Variants in CANX observed in about 807,000 individuals in gnomAD.
The protein encoded by CANX is epididymis secretory sperm binding protein.
A neutral mutation model predicts 75.7 loss-of-function variants in CANX; 14 were observed. The ratio of observed to expected loss-of-function variants is 0.19; its 90% CI spans 0.12 to 0.29. CANX has a LOEUF of 0.29. CANX is among the 10% of genes least tolerant of loss of function. The probability of loss-of-function intolerance (pLI) is 1.00; values close to 1 mark genes in which losing one functional copy is unlikely to be tolerated. For synonymous variants in CANX, 227 were observed against 236.9 expected, an observed-to-expected ratio of 0.96 and a Z score of 0.38; for missense variants, 567 against 713.2, an observed-to-expected ratio of 0.79 and a Z score of 2.34.
At chr5:179,711,825 T>C (rs1272347887) in intron 7 of CANX, among the ~76,000 whole-genome samples, 2 of 146,624 alleles carry the variant, frequency 1.4e-5, no homozygotes, top group East Asian at 4.0e-4. Context: ...TTGCTGGACA[T>C]GGTGGCTCAT....
chr5:179,695,052 T>G (rs1456344277), upstream of CANX, among the ~76,000 whole-genome samples: 3 of 142,512 alleles, frequency 2.1e-5, no homozygotes, highest in African/African-American at 4.9e-5. Context: ...TTTCTTTCAT[T>G]TATTTATTTA....
In CANX at chr5:179,706,306, T is replaced by C. The variant is rs1182453105; in HGVS notation, c.220T>C (p.Ser74Pro). Reference sequence around the variant, plus strand: ...AACAGGGGAAGTATATTTTGCTGATTCTTTTGACAGAGGAACTCTGTCAGG... The same window carrying C: ...AACAGGGGAAGTATATTTTGCTGATCCTTTTGACAGAGGAACTCTGTCAGG... ...VPTGEVYFADSFDRGTLSGWI... is the reference protein window; with the variant it reads ...VPTGEVYFADPFDRGTLSGWI... Residue 74 changes from serine (S) to proline (P), a missense_variant, in exon 3 of 15, where the codon TCT becomes CCT. Ser to Pro is a moderately conservative substitution (Grantham distance 74, BLOSUM62 -1). Transcript: ENST00000247461. The C allele has an allele frequency of 6.3e-7, 1 of 1,598,012 alleles. No individual in the cohort carries two copies. Among genetic ancestry groups the C allele is most frequent in the Admixed American group, 1.7e-5 (1 of 59,576 alleles).
At chr5:179,712,433 T>G (rs1777633614) in intron 7 of CANX, among the ~76,000 whole-genome samples, 1 of 152,010 alleles carries the variant, frequency 6.6e-6, no homozygotes, top group African/African-American at 2.4e-5. Flanking sequence ...CTTTTTTTTT[T>G]TTGAGATGGA....
rs140130673 is a variant in CANX, at chr5:179,730,734, C to T, written c.*2090C>T. Reference sequence around the variant, plus strand: ...AAATGTCTGACACATTAATGAATGACCAGCAGCAGCTTTCAGCTCTTAAAA... The same window carrying T: ...AAATGTCTGACACATTAATGAATGATCAGCAGCAGCTTTCAGCTCTTAAAA... On this transcript the variant is annotated 3_prime_UTR_variant, in exon 15 of 15. Transcript: ENST00000247461. The T allele has an allele frequency of 8.5e-5, 13 of 152,298 alleles. No homozygotes were observed. In the East Asian group the frequency reaches 2.1e-3, roughly 25 times the overall value. The allele number at this position is 152,298 out of a possible 1,614,324, so 9.4% of individuals were successfully genotyped here. A position where few individuals can be genotyped will look rare whatever the true frequency, so the allele number is the denominator to read the frequency against.
At chr5:179,683,168 G>A (rs1355540656) in intron 1 of CANX, among the ~76,000 whole-genome samples, 5 of 151,960 alleles carry the variant, frequency 3.3e-5, no homozygotes, top group South Asian at 2.1e-4. Flanking sequence ...TCGCTCTGTC[G>A]CACAGGCTGG....
At chr5:179,690,358 C>T (rs1472794418) in intron 1 of CANX, among the ~76,000 whole-genome samples, 1 of 142,586 alleles carries the variant, frequency 7.0e-6, no homozygotes, top group African/African-American at 2.6e-5. Context: ...GGTGGATCAC[C>T]TGAGGTCAGG....
At chr5:179,698,691 A>G (rs1328783026), upstream of CANX, 1 of 974,382 alleles carries the variant, frequency 1.0e-6, no homozygotes, top group African/African-American at 1.7e-5. Context: ...CCCCGCCCCG[A>G]GACGCGCGCG....
chr5:179,681,120 G>T, intron 1 of CANX: 1 of 575,026 alleles, frequency 1.7e-6, no homozygotes, highest in Non-Finnish European at 3.2e-6. Context: ...ACAAGAAGGG[G>T]TGCTGACCGC....
intron 13 of CANX, among the ~76,000 whole-genome samples, 189 bp from the exon 14 acceptor site, chr5:179,726,491 G>A (rs1488965358): frequency 6.6e-6 from 1 of 150,416 alleles, no homozygotes; most frequent in Non-Finnish European, 1.5e-5. Flanking sequence ...CAGGAGAATG[G>A]CGTGAACCCG....
intron 1 of CANX, among the ~76,000 whole-genome samples, chr5:179,684,938 T>C (rs1326846064): frequency 7.4e-6 from 1 of 135,564 alleles, no homozygotes; most frequent in South Asian, 2.4e-4. Context: ...TTTTTTTTTT[T>C]TTTTTTTTTT....
At chr5:179,685,028 T>G (rs527316100) in intron 1 of CANX, among the ~76,000 whole-genome samples, 34 of 143,076 alleles carry the variant, frequency 2.4e-4, no homozygotes, top group African/African-American at 8.4e-4. Flanking sequence ...TCCATCTGCC[T>G]CTACCTCCCA....
intron 7 of CANX, among the ~76,000 whole-genome samples, chr5:179,710,820 A>G: frequency 6.6e-6 from 1 of 151,426 alleles, no homozygotes; most frequent in Non-Finnish European, 1.5e-5. Flanking sequence ...TGGGAGGCTG[A>G]GGCGGGCGGA....
chr5:179,703,812 A>G (rs1776934542), intron 1 of CANX, among the ~76,000 whole-genome samples: 1 of 152,084 alleles, frequency 6.6e-6, no homozygotes, highest in African/African-American at 2.4e-5. Context: ...TTTTGCAAAC[A>G]TGGACTCATG....
chr5:179,723,111 G>A, intron 11 of CANX, 92 bp downstream of exon 11: 2 of 1,053,204 alleles, frequency 1.9e-6, no homozygotes, highest in Admixed American at 4.1e-5. Context: ...TCTTCATTTG[G>A]CAATATTGGC....
At chr5:179,680,986 G>C (rs1405106979) in intron 1 of CANX, 2 of 1,381,686 alleles carry the variant, frequency 1.4e-6, no homozygotes, top group Non-Finnish European at 2.0e-6. Flanking sequence ...TGTATGTTGT[G>C]CCTCACCTGG....
At chr5:179,721,976 T>C (rs1481964915) in intron 10 of CANX, among the ~76,000 whole-genome samples, 1 of 152,140 alleles carries the variant, frequency 6.6e-6, no homozygotes, top group African/African-American at 2.4e-5. Flanking sequence ...GTTAAAGATG[T>C]TATGTGAATG....
intron 4 of CANX, among the ~76,000 whole-genome samples, chr5:179,707,492 G>C (rs1399358063): frequency 6.6e-6 from 1 of 150,712 alleles, no homozygotes; most frequent in African/African-American, 2.4e-5. Context: ...GCTGAGGCAG[G>C]AGAATGGTGT....
chr5:179,695,449 C>A (rs567390027), upstream of CANX, among the ~76,000 whole-genome samples: 1 of 152,118 alleles, frequency 6.6e-6, no homozygotes, highest in Admixed American at 6.6e-5. Flanking sequence ...CTTGCCTCAG[C>A]CTCCCGAGTA....
intron 1 of CANX, among the ~76,000 whole-genome samples, chr5:179,703,053 G>C (rs1776874964): frequency 6.6e-6 from 1 of 152,122 alleles, no homozygotes; most frequent in African/African-American, 2.4e-5. Flanking sequence ...ACAGGTGTGA[G>C]CCACCACGCC....
Sources: gnomAD v4.1 joint callset for allele counts (sites outside exome capture counted in the v4.1 genomes callset) on GRCh38, gnomAD v4.1.1 for gene constraint, MANE v1.5 for transcripts, NCBI Gene and HGNC (gene_info 2026-07-23, HGNC 2026-07-21) for gene names.